FGGY: variants seen among roughly 807,000 people sequenced by gnomAD.
FGGY encodes the protein FGGY carbohydrate kinase domain containing.
In FGGY, 72 loss-of-function variants were observed where a neutral mutation model predicts 71.3. The ratio of observed to expected loss-of-function variants is 1.01; its 90% CI spans 0.84 to 1.23. FGGY has a LOEUF of 1.23. Ranked by LOEUF, FGGY falls within the 50% of genes most tolerant of loss-of-function variation. The pLI is 0.00. For missense variants in FGGY, 668 were observed against 682.3 expected, an observed-to-expected ratio of 0.98 and a Z score of 0.23; for synonymous variants, 251 against 250.3, an observed-to-expected ratio of 1.00 and a Z score of -0.02.
At chr1:59,633,707 G>A (rs2096930135) in intron 10 of FGGY, among the ~76,000 whole-genome samples, 1 of 152,184 alleles carries the variant, frequency 6.6e-6, no homozygotes, top group African/African-American at 2.4e-5. Flanking sequence ...CATTTGAAGA[G>A]TGGTTGGATA....
intron 14 of FGGY, chr1:59,697,757 G>A (rs1462120618): frequency 7.9e-7 from 1 of 1,263,502 alleles, no homozygotes; most frequent in African/African-American, 1.6e-5. Context: ...GACACAAGAG[G>A]TAAACAGAAT....
In FGGY at chr1:59,660,217, A is replaced by G. The variant is rs984611327; in HGVS notation, c.1222-2A>G. On this transcript the variant is annotated splice_acceptor_variant, in intron 11 of 15. Transcript: ENST00000303721. LOFTEE classifies it high-confidence loss of function. Reference sequence around the variant, plus strand: ...CTTCTTTTCTTCCCTTCATGCCTGCAGGTCACCGGATTGAAACTGTCTCAG... The same window carrying G: ...CTTCTTTTCTTCCCTTCATGCCTGCGGGTCACCGGATTGAAACTGTCTCAG... The G allele has an allele frequency of 1.9e-6, 3 of 1,613,242 alleles. No individual in the cohort carries two copies. The highest frequency in any genetic ancestry group is 3.3e-5 in the Admixed American group (2 of 60,022).
chr1:59,741,837 G>A (rs2098151235), intron 14 of FGGY, among the ~76,000 whole-genome samples: 1 of 151,820 alleles, frequency 6.6e-6, no homozygotes, highest in African/African-American at 2.4e-5. Context: ...TACTTGGGAG[G>A]CTGAGGCAGG....
intron 6 of FGGY, among the ~76,000 whole-genome samples, chr1:59,485,154 G>T (rs1406404304): frequency 6.6e-6 from 1 of 152,178 alleles, no homozygotes; most frequent in African/African-American, 2.4e-5. Context: ...TTTCTCACTA[G>T]CTAGTGGCAT....
At chr1:59,490,381 A>G (rs952585966) in intron 6 of FGGY, among the ~76,000 whole-genome samples, 1 of 152,096 alleles carries the variant, frequency 6.6e-6, no homozygotes, top group African/African-American at 2.4e-5. Flanking sequence ...TTTTTCCTGT[A>G]CCAATGGTTG....
At chr1:59,572,488 G>GT (rs1209128985) in intron 8 of FGGY, among the ~76,000 whole-genome samples, 1 of 152,142 alleles carries the variant, frequency 6.6e-6, no homozygotes, top group East Asian at 1.9e-4. Flanking sequence ...AAACTGAAAG[G>GT]TTTTAAGCAC....
At chr1:59,660,341 T>C in intron 12 of FGGY, 48 bp downstream of exon 12, 1 of 1,472,020 alleles carries the variant, frequency 6.8e-7, no homozygotes, top group Non-Finnish European at 9.5e-7. Context: ...GCCATCAGTA[T>C]ACTCTAGGCC....
At chr1:59,399,311 G>A (rs571974233) in intron 5 of FGGY, among the ~76,000 whole-genome samples, 1 of 152,298 alleles carries the variant, frequency 6.6e-6, no homozygotes, top group East Asian at 1.9e-4. Flanking sequence ...AGTCAACACA[G>A]ATGCTATTTA....
chr1:59,732,537 A>T (rs2098046456), intron 14 of FGGY, among the ~76,000 whole-genome samples: 1 of 152,122 alleles, frequency 6.6e-6, no homozygotes. Context: ...GAAGATGAGG[A>T]ATGGCAAAGT....
chr1:59,420,743 A>G (rs2065255262), intron 5 of FGGY, among the ~76,000 whole-genome samples: 1 of 152,118 alleles, frequency 6.6e-6, no homozygotes, highest in African/African-American at 2.4e-5. Flanking sequence ...AATGATCAAA[A>G]TATTATATTG....
At chr1:59,693,709 C>T (rs1414107171) in intron 14 of FGGY, among the ~76,000 whole-genome samples, 2 of 151,874 alleles carry the variant, frequency 1.3e-5, no homozygotes, top group African/African-American at 4.8e-5. Flanking sequence ...TATACGTGCA[C>T]AGAACTGGGA....
chr1:59,702,078 A>G (rs1187514533), intron 14 of FGGY, among the ~76,000 whole-genome samples: 2 of 152,128 alleles, frequency 1.3e-5, no homozygotes, highest in Non-Finnish European at 2.9e-5. Flanking sequence ...AGGCGGTAGG[A>G]GAGAGAGAGC....
At chr1:59,328,504 C>T (rs1034584415) in intron 2 of FGGY, among the ~76,000 whole-genome samples, 4 of 152,208 alleles carry the variant, frequency 2.6e-5, no homozygotes, top group African/African-American at 9.6e-5. Context: ...TCTATCTAGA[C>T]CACTCAAATT....
chr1:59,558,638 C>T (rs1458326160), intron 8 of FGGY, among the ~76,000 whole-genome samples: 6 of 152,144 alleles, frequency 3.9e-5, no homozygotes, highest in African/African-American at 1.4e-4. Flanking sequence ...TTCAGCTGTG[C>T]ATGTATTGTC....
chr1:59,339,242 T>C (rs1299768258), intron 2 of FGGY, among the ~76,000 whole-genome samples: 1 of 152,122 alleles, frequency 6.6e-6, no homozygotes, highest in Non-Finnish European at 1.5e-5. Flanking sequence ...AATTCTGAAA[T>C]CTGAAATGCT....
intron 14 of FGGY, among the ~76,000 whole-genome samples, chr1:59,718,277 T>G (rs2097859310): frequency 6.6e-6 from 1 of 152,246 alleles, no homozygotes; most frequent in Non-Finnish European, 1.5e-5. Flanking sequence ...GAAAGCATTT[T>G]ACAACCATAA....
At chr1:59,406,318 A>G (rs2062745925) in intron 5 of FGGY, among the ~76,000 whole-genome samples, 1 of 151,902 alleles carries the variant, frequency 6.6e-6, no homozygotes, top group Non-Finnish European at 1.5e-5. Flanking sequence ...TTCAGCTCTC[A>G]TAGTGTAAAC....
chr1:59,631,155 C>A (rs946765802), intron 10 of FGGY, among the ~76,000 whole-genome samples: 3 of 152,090 alleles, frequency 2.0e-5, no homozygotes, highest in African/African-American at 4.8e-5. Flanking sequence ...GGAATGTCAC[C>A]CTGTCTGTTT....
chr1:59,474,387 CA>C (rs759934369), intron 6 of FGGY, among the ~76,000 whole-genome samples: 3 of 152,126 alleles, frequency 2.0e-5, no homozygotes, highest in African/African-American at 7.2e-5. Flanking sequence ...ATTTTATAGA[CA>C]AAAAACTGAG....
Sources: gnomAD v4.1 joint callset for allele counts (sites outside exome capture counted in the v4.1 genomes callset) on GRCh38, gnomAD v4.1.1 for gene constraint, MANE v1.5 for transcripts, NCBI Gene and HGNC (gene_info 2026-07-23, HGNC 2026-07-21) for gene names.